The following TLR6 variants were observed in gnomAD, a reference collection of about 807,000 sequenced individuals.
TLR6 encodes the protein toll like receptor 6, also known as toll-like receptor 6.
TLR6 carries 9 observed loss-of-function variants against 16.1 expected under a neutral mutation model. The observed-to-expected ratio is 0.56, with a 90% CI of 0.34 to 0.98. TLR6 has a LOEUF of 0.98. Ranked by LOEUF, TLR6 falls within the 50% of genes least tolerant of loss-of-function variation. TLR6 has a pLI of 0.02. For missense variants in TLR6, 786 were observed against 921.0 expected (o/e 0.85, Z 1.90); for synonymous variants, 340 against 338.6 (o/e 1.00, Z -0.04).
intron 1 of TLR6, among the ~76,000 whole-genome samples, chr4:38,837,634 G>T (rs114605821): frequency 3.7e-4 from 57 of 152,276 alleles, no homozygotes; most frequent in African/African-American, 1.3e-3. Context: ...AGACTTGAAA[G>T]TATAAAACTA....
At chr4:38,848,041 G>T (rs1267565119) in intron 1 of TLR6, among the ~76,000 whole-genome samples, 1 of 151,854 alleles carries the variant, frequency 6.6e-6, no homozygotes, top group Non-Finnish European at 1.5e-5. Flanking sequence ...CCCAGTAGGG[G>T]CAGACTGATA....
the TLR6 span, among the ~76,000 whole-genome samples, chr4:38,862,442 C>T: frequency 1.3e-5 from 2 of 151,764 alleles, no homozygotes; most frequent in Non-Finnish European, 2.9e-5. Context: ...CATCACTCTC[C>T]GCTAATTTTT....
At chr4:38,866,973 C>T in the TLR6 span, among the ~76,000 whole-genome samples, 1 of 152,148 alleles carries the variant, frequency 6.6e-6, no homozygotes, top group African/African-American at 2.4e-5. Context: ...GTATTTCCTC[C>T]GACTTTTATA....
At chr4:38,834,889 G>C (rs756721866) in intron 1 of TLR6, among the ~76,000 whole-genome samples, 3 of 152,336 alleles carry the variant, frequency 2.0e-5, no homozygotes, top group East Asian at 3.9e-4. Context: ...AAATGCTTAA[G>C]AGAGTAGAAC....
rs1727655425 is a variant in TLR6, at chr4:38,828,370, ACTAT to A, written c.1100_1103del (p.Asp367ValfsTer9). The A allele has an allele frequency of 1.2e-6, 2 of 1,613,028 alleles. No homozygotes were observed. The highest frequency in any genetic ancestry group is 2.2e-5 in the South Asian group (2 of 91,054). ...CTAACGTGGAACATTTTTCAAAAAT[ACTAT>A]CTGTGAAAACGTTCTGGGTAAAGTT... is the stretch of plus-strand genomic sequence containing the variant. On this transcript the variant is annotated frameshift_variant, in exon 2 of 2. Coordinates refer to ENST00000436693, the Ensembl canonical transcript of TLR6. LOFTEE classifies it low-confidence loss of function (END_TRUNC).
chr4:38,862,972 ACC>A, the TLR6 span, among the ~76,000 whole-genome samples: 1 of 149,060 alleles, frequency 6.7e-6, no homozygotes, highest in African/African-American at 2.5e-5. Flanking sequence ...TGAATCCACA[ACC>A]TTCCCCTCCT....
chr4:38,848,600 G>A (rs1712636840), intron 1 of TLR6, among the ~76,000 whole-genome samples: 1 of 152,228 alleles, frequency 6.6e-6, no homozygotes, highest in African/African-American at 2.4e-5. Context: ...TGATGGAGCT[G>A]AAAACCATGG....
intron 1 of TLR6, among the ~76,000 whole-genome samples, chr4:38,830,358 T>C (rs1372838433): frequency 6.6e-6 from 1 of 152,220 alleles, no homozygotes; most frequent in African/African-American, 2.4e-5. Context: ...ATAATCTTTA[T>C]AAAAATTATT....
chr4:38,860,511 T>A (rs1713172047), upstream of TLR6, among the ~76,000 whole-genome samples: 1 of 137,344 alleles, frequency 7.3e-6, no homozygotes. Flanking sequence ...GTATTGATAG[T>A]AAACCTAAAC....
intron 1 of TLR6, among the ~76,000 whole-genome samples, chr4:38,847,753 C>T (rs1013610763): frequency 2.6e-5 from 4 of 152,238 alleles, no homozygotes; most frequent in African/African-American, 9.6e-5. Flanking sequence ...CCAGCCATTG[C>T]TGAGGCTTGA....
intron 1 of TLR6, among the ~76,000 whole-genome samples, chr4:38,850,142 A>C (rs1488962702): frequency 6.6e-6 from 1 of 152,170 alleles, no homozygotes; most frequent in Non-Finnish European, 1.5e-5. Flanking sequence ...GGGTTCATAA[A>C]GAAATGAAGG....
Sources: gnomAD v4.1 joint callset for allele counts (sites outside exome capture counted in the v4.1 genomes callset) on GRCh38, gnomAD v4.1.1 for gene constraint, MANE v1.5 for transcripts, NCBI Gene and HGNC (gene_info 2026-07-23, HGNC 2026-07-21) for gene names.